SLC44A1: variants seen among roughly 807,000 people sequenced by gnomAD.
SLC44A1 encodes solute carrier family 44 member 1, also known as choline transporter-like protein 1.
SLC44A1 carries 26 observed loss-of-function variants against 79.3 expected under a neutral mutation model. That is an observed-to-expected ratio of 0.33 (90% CI 0.24 to 0.46). The LOEUF (loss-of-function observed/expected upper bound fraction) is 0.46, where lower values mean the gene tolerates loss of function less well. Among genes scored for constraint, SLC44A1 ranks in the 20% least tolerant of loss-of-function variants. SLC44A1 has a pLI of 1.00. For missense variants in SLC44A1, 688 were observed against 798.1 expected (o/e 0.86, Z 1.66); for synonymous variants, 263 against 286.2 (o/e 0.92, Z 0.82).
chr9:105,257,107 T>G (rs1829727298), intron 1 of SLC44A1, among the ~76,000 whole-genome samples: 1 of 147,938 alleles, frequency 6.8e-6, no homozygotes, highest in Non-Finnish European at 1.5e-5. Context: ...TTGTTTTTGT[T>G]TTCTTTGAGA....
intron 1 of SLC44A1, among the ~76,000 whole-genome samples, chr9:105,268,930 C>A (rs1384485628): frequency 6.6e-6 from 1 of 152,152 alleles, no homozygotes; most frequent in Non-Finnish European, 1.5e-5. Flanking sequence ...GTTACCTTGC[C>A]GTTCACCAAA....
At position 105,394,017 on chromosome 9, in the gene SLC44A1, G is replaced by T. The variant is rs1423440753; in HGVS notation, c.*4961G>T. 4.1e-6 allele frequency: 4 copies of T among 985,054 alleles called. No individual in the cohort carries two copies. The highest frequency in any genetic ancestry group is 1.2e-6 in the Non-Finnish European group (1 of 829,752). The allele number at this position is 985,054 out of a possible 1,614,324, so 61.0% of individuals were successfully genotyped here. On this transcript the variant is annotated 3_prime_UTR_variant, in exon 16 of 16. Transcript: ENST00000374720. ...ACAAGTTATTTTGAAGAGACAATGG[G>T]TCTCTTTGAGCTTAAGAAAGCTATG...
intron 3 of SLC44A1, among the ~76,000 whole-genome samples, chr9:105,321,901 A>G (rs1826405813): frequency 6.6e-6 from 1 of 152,168 alleles, no homozygotes; most frequent in Admixed American, 6.5e-5. Context: ...AAGTTATTAT[A>G]TAGATTTAAT....
At chr9:105,325,625 A>G (rs563563326) in intron 3 of SLC44A1, among the ~76,000 whole-genome samples, 3 of 152,284 alleles carry the variant, frequency 2.0e-5, no homozygotes, top group East Asian at 3.9e-4. Context: ...CTCCCATGAT[A>G]ATTCATTAAT....
intron 15 of SLC44A1, among the ~76,000 whole-genome samples, chr9:105,420,861 CAAAAAAAA>C (rs34053627): frequency 7.9e-3 from 98 of 12,478 alleles, no homozygotes; most frequent in South Asian, 0.024. Context: ...AACTCCATCT[CAAAAAAAA>C]AAAAAAAAAA....
At chr9:105,360,345 T>C (rs1827743606) in intron 7 of SLC44A1, among the ~76,000 whole-genome samples, 1 of 152,242 alleles carries the variant, frequency 6.6e-6, no homozygotes, top group African/African-American at 2.4e-5. Flanking sequence ...TACCAGGAGA[T>C]CATTTTTTCT....
chr9:105,302,673 C>CAAAAAA (rs1564424966), intron 2 of SLC44A1, among the ~76,000 whole-genome samples: 17 of 142,260 alleles, frequency 1.2e-4, no homozygotes, highest in African/African-American at 4.7e-4. Flanking sequence ...GGGATCTTTT[C>CAAAAAA]TAAAAAAAAA....
intron 15 of SLC44A1, among the ~76,000 whole-genome samples, chr9:105,405,048 G>A (rs923652724): frequency 2.6e-5 from 4 of 152,150 alleles, no homozygotes; most frequent in East Asian, 3.8e-4. Context: ...GGCTAGGCGC[G>A]GTGGCTCACA....
chr9:105,372,168 A>G (rs1828123616), intron 12 of SLC44A1, among the ~76,000 whole-genome samples: 1 of 152,234 alleles, frequency 6.6e-6, no homozygotes, highest in Non-Finnish European at 1.5e-5. Context: ...GATGTTCTGT[A>G]TTTTAGTTTT....
At chr9:105,418,014 C>T (rs1175652583) in intron 15 of SLC44A1, among the ~76,000 whole-genome samples, 3 of 152,008 alleles carry the variant, frequency 2.0e-5, no homozygotes, top group African/African-American at 7.2e-5. Context: ...GAGACTCTGT[C>T]TCTAAAAATA....
chr9:105,304,534 A>G (rs561710901), intron 2 of SLC44A1, among the ~76,000 whole-genome samples: 1 of 152,202 alleles, frequency 6.6e-6, no homozygotes, highest in South Asian at 2.1e-4. Flanking sequence ...ATTCTCAGTC[A>G]CTGTAGTAAA....
intron 9 of SLC44A1, 65 bp downstream of exon 9, chr9:105,363,072 C>T: frequency 8.1e-7 from 1 of 1,230,636 alleles, no homozygotes; most frequent in Non-Finnish European, 1.1e-6. Context: ...TTTAGAACAT[C>T]AGAGAGAGGT....
chr9:105,325,705 C>T (rs1018838827), intron 3 of SLC44A1, among the ~76,000 whole-genome samples: 3 of 152,232 alleles, frequency 2.0e-5, no homozygotes, highest in Non-Finnish European at 2.9e-5. Flanking sequence ...TACTGCCACA[C>T]TGGGGATTAA....
At chr9:105,372,424 A>C (rs1467718434) in intron 12 of SLC44A1, among the ~76,000 whole-genome samples, 1 of 151,818 alleles carries the variant, frequency 6.6e-6, no homozygotes, top group East Asian at 2.0e-4. Flanking sequence ...AGTAGCCGGG[A>C]TTACAGGCGC....
intron 1 of SLC44A1, among the ~76,000 whole-genome samples, chr9:105,262,617 A>G (rs1010120943): frequency 3.3e-5 from 5 of 152,178 alleles, no homozygotes; most frequent in African/African-American, 1.2e-4. Flanking sequence ...TGACTTAGTC[A>G]TGTATCTCTG....
Position 105,392,956 on chromosome 9 carries a change from TA to T in SLC44A1, c.*3910del, listed in dbSNP as rs35765843. On this transcript the variant is annotated 3_prime_UTR_variant, in exon 16 of 16. Coordinates refer to ENST00000374720, the MANE Select transcript of SLC44A1 (RefSeq NM_080546.5). ...CTTTACTGCTTTTCTACTGCTACTT[TA>T]AAAAAAAAACAACAACAACAAATAA... 35,413 of 920,184 alleles carry T rather than the reference TA, an allele frequency of 0.038. 667 individuals carry two copies. The highest frequency in any genetic ancestry group is 0.042 in the Admixed American group (658 of 15,826). 57.0% of individuals were successfully genotyped at this position (920,184 alleles called of 1,614,324 possible).
At chr9:105,411,131 T>A (rs1460859624) in intron 15 of SLC44A1, among the ~76,000 whole-genome samples, 1 of 152,206 alleles carries the variant, frequency 6.6e-6, no homozygotes. Flanking sequence ...ACTTTGTGGA[T>A]GAACTAAATA....
chr9:105,358,375 G>A lies in SLC44A1; in HGVS notation c.702G>A (p.Arg234=). The change falls in exon 7 of 16, where the codon AGG becomes AGA. Residue 234 remains arginine (R), a synonymous_variant. Transcript: ENST00000374720. ...VLSMILMVII[R]YISRVLVWIL... The stretch of plus-strand genomic sequence containing the variant: ...CCATGATTTTGATGGTGATAATCAG[G>A]TATATATCAAGAGTACTTGTGTGGA... 2 of 1,588,958 alleles carry A rather than the reference G, an allele frequency of 1.3e-6. No homozygotes were observed. Among genetic ancestry groups the A allele is most frequent in the Middle Eastern group, 3.3e-4 (2 of 5,996 alleles).
chr9:105,263,041 G>A (rs972845746), intron 1 of SLC44A1, among the ~76,000 whole-genome samples: 1 of 152,178 alleles, frequency 6.6e-6, no homozygotes, highest in East Asian at 1.9e-4. Flanking sequence ...AGTGTTTCTA[G>A]TCCTATTTTA....
Sources: allele counts gnomAD v4.1 joint callset (sites outside exome capture counted in the v4.1 genomes callset), GRCh38; gene constraint gnomAD v4.1.1; transcripts MANE v1.5; gene names NCBI Gene and HGNC (gene_info 2026-07-23, HGNC 2026-07-21).